The following SNX29 variants were observed in gnomAD, a reference collection of about 807,000 sequenced individuals.
The protein encoded by SNX29 is sorting nexin-29.
SNX29 carries 78 observed loss-of-function variants against 102.1 expected under a neutral mutation model. The ratio of observed to expected loss-of-function variants is 0.76; its 90% CI spans 0.64 to 0.92. The LOEUF (loss-of-function observed/expected upper bound fraction) is 0.92. Among genes scored for constraint, SNX29 ranks in the 40% least tolerant of loss-of-function variants. SNX29 has a pLI of 0.00. For missense variants in SNX29, 1,280 were observed against 1,061.7 expected (o/e 1.21, Z -2.86); for synonymous variants, 580 against 414.5 (o/e 1.40, Z -4.85).
At chr16:12,255,868 G>A (rs1041678240) in intron 14 of SNX29, among the ~76,000 whole-genome samples, 15 of 152,274 alleles carry the variant, frequency 9.9e-5, no homozygotes, top group Non-Finnish European at 1.6e-4. Flanking sequence ...CGACATACTG[G>A]TTTCATTTCC....
At chr16:11,998,149 T>C (rs1474129151) in intron 1 of SNX29, among the ~76,000 whole-genome samples, 1 of 152,196 alleles carries the variant, frequency 6.6e-6, no homozygotes, top group African/African-American at 2.4e-5. Flanking sequence ...GCAGCCCACG[T>C]AGAGTTGCCC....
chr16:12,295,652 CA>C (rs1555505991), intron 15 of SNX29, among the ~76,000 whole-genome samples: 1 of 152,232 alleles, frequency 6.6e-6, no homozygotes, highest in Non-Finnish European at 1.5e-5. Context: ...AACTCTTTTA[CA>C]GTGACAAGTA....
intron 13 of SNX29, among the ~76,000 whole-genome samples, chr16:12,142,535 T>G (rs2054902604): frequency 6.6e-6 from 1 of 152,174 alleles, no homozygotes; most frequent in South Asian, 2.1e-4. Context: ...CTGATGAAAT[T>G]CAGTCAAGAT....
intron 4 of SNX29, among the ~76,000 whole-genome samples, chr16:12,028,789 C>T (rs1382455307): frequency 2.0e-5 from 3 of 152,050 alleles, no homozygotes; most frequent in African/African-American, 4.8e-5. Context: ...GCTCTTGTCG[C>T]CCAGGCTGGA....
intron 14 of SNX29, among the ~76,000 whole-genome samples, chr16:12,247,750 T>C (rs1387568280): frequency 6.6e-6 from 1 of 152,200 alleles, no homozygotes; most frequent in Non-Finnish European, 1.5e-5. Context: ...TTTTTTTAAA[T>C]GTTAAGGTTG....
chr16:12,556,250 A>AC (rs947019864), intron 20 of SNX29: 2 of 151,744 alleles, frequency 1.3e-5, no homozygotes, highest in Non-Finnish European at 2.9e-5. Context: ...GTCACACCCC[A>AC]CCTCACTAAA....
chr16:12,259,057 C>A (rs1596657335), intron 14 of SNX29, among the ~76,000 whole-genome samples: 1 of 152,186 alleles, frequency 6.6e-6, no homozygotes, highest in Non-Finnish European at 1.5e-5. Context: ...CAGATTCCCC[C>A]TCCTCTCTCT....
chr16:12,202,229 A>G (rs761277449), intron 14 of SNX29, among the ~76,000 whole-genome samples: 1 of 152,210 alleles, frequency 6.6e-6, no homozygotes, highest in African/African-American at 2.4e-5. Flanking sequence ...ACAGGTATCA[A>G]ATTTCAGATT....
intron 13 of SNX29, among the ~76,000 whole-genome samples, chr16:12,172,662 C>G (rs1473687873): frequency 6.6e-6 from 1 of 152,142 alleles, no homozygotes; most frequent in African/African-American, 2.4e-5. Flanking sequence ...ATTAAGGGCT[C>G]AAAGAATTGT....
chr16:12,013,500 AATATATATATATATATATAT>A (rs66491414), intron 3 of SNX29, among the ~76,000 whole-genome samples: 550 of 31,652 alleles, frequency 0.017, 48 homozygotes, highest in South Asian at 0.12. Flanking sequence ...AAAAAAAAAA[AATATATATATATATATATAT>A]ATATATATAT....
intron 14 of SNX29, among the ~76,000 whole-genome samples, chr16:12,273,434 C>G (rs529488613): frequency 1.3e-5 from 2 of 151,174 alleles, no homozygotes; most frequent in African/African-American, 4.9e-5. Flanking sequence ...TCTCGGCTCA[C>G]TGCAACCTCT....
chr16:12,024,014 G>A (rs1446287339), intron 3 of SNX29, among the ~76,000 whole-genome samples: 2 of 152,202 alleles, frequency 1.3e-5, no homozygotes, highest in African/African-American at 4.8e-5. Flanking sequence ...CAGTTAGCAA[G>A]AGCAGGCAGC....
chr16:12,565,758 C>T (rs754644200), intron 20 of SNX29, among the ~76,000 whole-genome samples: 1 of 152,192 alleles, frequency 6.6e-6, no homozygotes, highest in African/African-American at 2.4e-5. Context: ...GGCCTGCCAC[C>T]TTCACCTTTT....
intron 17 of SNX29, among the ~76,000 whole-genome samples, chr16:12,403,116 C>G (rs886739309): frequency 6.6e-6 from 1 of 151,822 alleles, no homozygotes; most frequent in African/African-American, 2.4e-5. Flanking sequence ...GATGTGGAGA[C>G]TGAGGTTCAG....
intron 19 of SNX29, among the ~76,000 whole-genome samples, chr16:12,519,043 C>T (rs915043994): frequency 2.3e-4 from 35 of 152,280 alleles, no homozygotes; most frequent in African/African-American, 8.2e-4. Flanking sequence ...GCAGGCTGTC[C>T]TGGGGAGTGA....
intron 16 of SNX29, among the ~76,000 whole-genome samples, chr16:12,394,962 T>A (rs4781220): frequency 0.37 from 56,596 of 151,768 alleles, 11,713 homozygotes; most frequent in East Asian, 0.63. Context: ...GAAGTGAGGG[T>A]AGCTCCAATG....
chr16:12,055,921 G>T (rs1322378439), intron 8 of SNX29, among the ~76,000 whole-genome samples: 1 of 151,970 alleles, frequency 6.6e-6, no homozygotes, highest in Non-Finnish European at 1.5e-5. Flanking sequence ...CTTACTCCAT[G>T]GCCCCGGCTG....
At chr16:12,443,026 T>G (rs1483595132) in intron 18 of SNX29, 1 of 456,062 alleles carries the variant, frequency 2.2e-6, no homozygotes, top group Non-Finnish European at 4.4e-6. Context: ...ATTCTTAGTC[T>G]GTGGGCCGTA....
intron 14 of SNX29, among the ~76,000 whole-genome samples, chr16:12,262,904 A>C (rs2078820689): frequency 6.6e-6 from 1 of 151,994 alleles, no homozygotes; most frequent in Non-Finnish European, 1.5e-5. Flanking sequence ...GCAGTCACTC[A>C]CCTCTCCCTG....
Sources: gnomAD v4.1 joint callset for allele counts (sites outside exome capture counted in the v4.1 genomes callset) on GRCh38, gnomAD v4.1.1 for gene constraint, MANE v1.5 for transcripts, NCBI Gene and HGNC (gene_info 2026-07-23, HGNC 2026-07-21) for gene names.